The following SRGAP3 variants were observed in gnomAD, a reference collection of about 807,000 sequenced individuals.
SRGAP3 encodes SLIT-ROBO Rho GTPase-activating protein 3.
A neutral mutation model predicts 121.1 loss-of-function variants in SRGAP3; 39 were observed. The ratio of observed to expected loss-of-function variants is 0.32; its 90% CI spans 0.25 to 0.42. SRGAP3 has a LOEUF of 0.42. Among genes scored for constraint, SRGAP3 ranks in the 10% least tolerant of loss-of-function variants. The pLI, the probability that SRGAP3 is intolerant of heterozygous loss-of-function variation, is 1.00. For synonymous variants in SRGAP3, 601 were observed against 570.0 expected, an observed-to-expected ratio of 1.05 and a Z score of -0.77; for missense variants, 1,213 against 1,470.6, an observed-to-expected ratio of 0.82 and a Z score of 2.86.
intron 3 of SRGAP3, among the ~76,000 whole-genome samples, chr3:9,255,734 G>A (rs1250605095): frequency 1.3e-5 from 2 of 152,264 alleles, no homozygotes; most frequent in East Asian, 3.9e-4. Flanking sequence ...GAAAGAGGAG[G>A]TTGGGCAAAG....
rs769568751 is a variant in SRGAP3, at chr3:9,060,253, T to C, written c.779A>G (p.His260Arg). The change falls in exon 6 of 22, where the codon CAT (histidine) becomes CGT (arginine). Residue 260 changes from histidine (H) to arginine (R), a missense_variant. Coordinates refer to ENST00000383836, the MANE Select transcript of SRGAP3 (RefSeq NM_014850.4). Reference sequence around the variant, plus strand: ...CACATCGATCAGATCAGAGACATCATGGATGTAGTATTTGCTTATAGCTGC... The same window carrying C: ...CACATCGATCAGATCAGAGACATCACGGATGTAGTATTTGCTTATAGCTGC... ...TNAAISKYYI[H>R]DVSDLIDCCD... 12 of 1,613,936 alleles carry C rather than the reference T, an allele frequency of 7.4e-6. No homozygotes were observed. Among genetic ancestry groups the C allele is most frequent in the African/African-American group, 2.7e-5 (2 of 74,908 alleles).
chr3:9,131,800 C>A (rs1232475103), intron 1 of SRGAP3, among the ~76,000 whole-genome samples: 1 of 152,100 alleles, frequency 6.6e-6, no homozygotes, highest in African/African-American at 2.4e-5. Context: ...GTGTCACCCT[C>A]CTGATAAAAT....
chr3:9,073,166 C>T (rs2875408), intron 4 of SRGAP3, among the ~76,000 whole-genome samples: 126,911 of 152,272 alleles, frequency 0.83, 53,380 homozygotes, highest in African/African-American at 0.94. Context: ...CTTTTTAAGA[C>T]GGGGTCTTAC....
chr3:9,243,461 C>T (rs990331682), intron 1 of SRGAP3, among the ~76,000 whole-genome samples: 3 of 151,930 alleles, frequency 2.0e-5, no homozygotes, highest in African/African-American at 7.3e-5. Context: ...ATGGTGAAAC[C>T]CCGTCTCTAC....
chr3:9,326,377 C>G (rs977641679), intron 2 of SRGAP3, among the ~76,000 whole-genome samples: 5 of 151,808 alleles, frequency 3.3e-5, no homozygotes, highest in Non-Finnish European at 7.4e-5. Context: ...TCAAATGTAC[C>G]TAAAGTTTTG....
intron 3 of SRGAP3, among the ~76,000 whole-genome samples, chr3:9,285,768 C>CA (rs35774144): frequency 3.3e-3 from 433 of 129,336 alleles, no homozygotes; most frequent in South Asian, 8.1e-3. Flanking sequence ...CGCCCCACCT[C>CA]AAAAAAAAAA....
At chr3:9,171,671 G>A (rs1047707038) in intron 1 of SRGAP3, among the ~76,000 whole-genome samples, 3 of 152,092 alleles carry the variant, frequency 2.0e-5, no homozygotes, top group African/African-American at 7.2e-5. Context: ...AATAGCCCCT[G>A]TGTGCCCAAA....
At chr3:9,113,869 G>A (rs915247075) in intron 2 of SRGAP3, among the ~76,000 whole-genome samples, 7 of 152,088 alleles carry the variant, frequency 4.6e-5, no homozygotes, top group African/African-American at 9.7e-5. Flanking sequence ...CCAGCCATGC[G>A]AAATTGTGAG....
At chr3:9,175,487 CCT>C (rs1951144673) in intron 1 of SRGAP3, among the ~76,000 whole-genome samples, 2 of 152,166 alleles carry the variant, frequency 1.3e-5, no homozygotes, top group South Asian at 4.1e-4. Context: ...GCCCTATTCC[CCT>C]GAGGGAAGAC....
intron 2 of SRGAP3, 139 bp from the exon 3 acceptor site, chr3:9,104,981 G>A (rs540304319): frequency 9.5e-7 from 1 of 1,052,456 alleles, no homozygotes; most frequent in Non-Finnish European, 1.4e-6. Flanking sequence ...TTATACAGTT[G>A]GGGAAACAGG....
At chr3:9,343,173 G>T (rs1308822033) in intron 1 of SRGAP3, among the ~76,000 whole-genome samples, 1 of 152,164 alleles carries the variant, frequency 6.6e-6, no homozygotes, top group Non-Finnish European at 1.5e-5. Flanking sequence ...CATTAACGTA[G>T]CTAAACAAGC....
At chr3:9,283,924 G>C (rs962746433) in intron 3 of SRGAP3, among the ~76,000 whole-genome samples, 6 of 152,138 alleles carry the variant, frequency 3.9e-5, no homozygotes, top group African/African-American at 7.2e-5. Flanking sequence ...CCCTCCACCA[G>C]GCAGAATTCA....
rs867439219 is a variant in SRGAP3, at chr3:9,026,953, G to A, written c.1582C>T (p.Arg528Cys). 4 of 1,614,186 alleles carry A rather than the reference G, an allele frequency of 2.5e-6. No homozygotes were observed. Among genetic ancestry groups the A allele is most frequent in the Non-Finnish European group, 3.4e-6 (4 of 1,180,028 alleles). Residue 528 changes from arginine (R) to cysteine (C), a missense_variant, in exon 13 of 22, where the codon CGT (arginine) becomes TGT (cysteine). This residue lies in a region of SRGAP3 where 793 missense variants were observed against 1,032.9 expected (regional missense o/e 0.77). Coordinates refer to ENST00000383836, the MANE Select transcript of SRGAP3 (RefSeq NM_014850.4). Reference protein sequence around the residue: ...AIPLVVESCIRYINLYGLQQQ... With the variant: ...AIPLVVESCICYINLYGLQQQ... ...AGCTTACCATATAAATTGATGTAAC[G>A]GATGCAGCTCTCGACTACAAGCGGT...
chr3:9,292,828 C>G (rs1481632584), intron 3 of SRGAP3: 1 of 151,916 alleles, frequency 6.6e-6, no homozygotes, highest in African/African-American at 2.4e-5. Flanking sequence ...TCTCTAAGAC[C>G]CTTGGGAGCC....
intron 1 of SRGAP3, among the ~76,000 whole-genome samples, chr3:9,344,080 G>A (rs1174446775): frequency 2.0e-5 from 3 of 152,196 alleles, no homozygotes; most frequent in Non-Finnish European, 4.4e-5. Flanking sequence ...AGCACTTTGG[G>A]AGGCCAAGAC....
At chr3:9,018,569 T>G (rs1286341111) in intron 14 of SRGAP3, among the ~76,000 whole-genome samples, 1 of 152,156 alleles carries the variant, frequency 6.6e-6, no homozygotes, top group African/African-American at 2.4e-5. Context: ...GACATGATAT[T>G]TGTGGTTTTG....
At chr3:9,028,648 T>C (rs1207226748) in intron 12 of SRGAP3, among the ~76,000 whole-genome samples, 2 of 152,154 alleles carry the variant, frequency 1.3e-5, no homozygotes, top group Non-Finnish European at 2.9e-5. Context: ...TCTAACAAGA[T>C]CATGTCTACA....
At chr3:9,032,162 G>A (rs1574945084) in intron 12 of SRGAP3, among the ~76,000 whole-genome samples, 1 of 152,130 alleles carries the variant, frequency 6.6e-6, no homozygotes, top group South Asian at 2.1e-4. Flanking sequence ...TATAAAAAAT[G>A]TATGTGTTTC....
intron 1 of SRGAP3, among the ~76,000 whole-genome samples, chr3:9,172,181 C>T (rs976098307): frequency 1.3e-5 from 2 of 151,374 alleles, no homozygotes; most frequent in Non-Finnish European, 2.9e-5. Flanking sequence ...GCAACCTCCA[C>T]CTCCTGGGCT....
Sources: allele counts gnomAD v4.1 joint callset (sites outside exome capture counted in the v4.1 genomes callset), GRCh38; gene constraint gnomAD v4.1.1; regional missense constraint gnomAD v4.1.1; transcripts MANE v1.5; gene names NCBI Gene and HGNC (gene_info 2026-07-23, HGNC 2026-07-21).